COL21A1: variants seen among roughly 807,000 people sequenced by gnomAD.
The protein encoded by COL21A1 is collagen type XXI alpha 1 chain, also known as collagen alpha-1(XXI) chain.
COL21A1 carries 149 observed loss-of-function variants against 137.9 expected under a neutral mutation model. That is an observed-to-expected ratio of 1.08 (90% CI 0.95 to 1.24). The LOEUF (loss-of-function observed/expected upper bound fraction) is 1.24, where lower values mean the gene tolerates loss of function less well. Ranked by LOEUF, COL21A1 falls within the 50% of genes most tolerant of loss-of-function variation. The pLI, the probability that COL21A1 is intolerant of heterozygous loss-of-function variation, is 0.00. For synonymous variants in COL21A1, 456 were observed against 391.5 expected (o/e 1.16, Z -1.95); for missense variants, 1,167 against 1,158.4 (o/e 1.01, Z -0.11).
chr6:56,116,629 A>T (rs1771956568), intron 16 of COL21A1, among the ~76,000 whole-genome samples: 1 of 152,038 alleles, frequency 6.6e-6, no homozygotes, highest in African/African-American at 2.4e-5. Context: ...TACTGGTAAT[A>T]ATAAGCACAC....
chr6:56,324,414 T>G (rs1473284989), intron 1 of COL21A1, among the ~76,000 whole-genome samples: 2 of 152,104 alleles, frequency 1.3e-5, no homozygotes, highest in Non-Finnish European at 2.9e-5. Flanking sequence ...CCAGTTGCCC[T>G]TCTTTCTATG....
chr6:56,322,313 A>C (rs770050716), intron 1 of COL21A1, among the ~76,000 whole-genome samples: 1 of 152,160 alleles, frequency 6.6e-6, no homozygotes, highest in Non-Finnish European at 1.5e-5. Context: ...TCAAAAGTTG[A>C]AGAAATTGGG....
At chr6:56,060,275 T>C (rs1047817110) in intron 27 of COL21A1, 57 bp from the exon 28 acceptor site, 8 of 1,377,544 alleles carry the variant, frequency 5.8e-6, no homozygotes, top group South Asian at 2.8e-5. Flanking sequence ...TGGTGTTAAT[T>C]ATATTTTTAA....
At chr6:56,215,036 C>G (rs182324307) in intron 1 of COL21A1, among the ~76,000 whole-genome samples, 1 of 152,218 alleles carries the variant, frequency 6.6e-6, no homozygotes, top group Admixed American at 6.6e-5. Context: ...ACAATGTTCA[C>G]AAATGCTTAA....
intron 1 of COL21A1, among the ~76,000 whole-genome samples, chr6:56,240,281 T>C (rs1419625816): frequency 6.6e-6 from 1 of 152,176 alleles, no homozygotes; most frequent in Non-Finnish European, 1.5e-5. Flanking sequence ...TGGCTTTCCC[T>C]TAGTCTTCCA....
intron 1 of COL21A1, among the ~76,000 whole-genome samples, chr6:56,323,983 T>C (rs1308270475): frequency 1.3e-5 from 2 of 152,118 alleles, no homozygotes; most frequent in African/African-American, 4.8e-5. Flanking sequence ...TTTTATTAAA[T>C]ACATCATTTT....
chr6:56,059,759 C>T (rs1420847868), intron 28 of COL21A1, among the ~76,000 whole-genome samples: 1 of 152,084 alleles, frequency 6.6e-6, no homozygotes, highest in African/African-American at 2.4e-5. Context: ...TTTCTAGACT[C>T]AAGCAAAATT....
chr6:56,307,072 G>A (rs971052697), intron 1 of COL21A1, among the ~76,000 whole-genome samples: 2 of 152,166 alleles, frequency 1.3e-5, no homozygotes, highest in South Asian at 2.1e-4. Flanking sequence ...CTTCCTGATC[G>A]TTCCTCTGGA....
chr6:56,206,691 TAAATAA>T (rs1294906848), intron 1 of COL21A1, among the ~76,000 whole-genome samples: 36 of 22,810 alleles, frequency 1.6e-3, no homozygotes, highest in South Asian at 5.1e-3. Flanking sequence ...AATAAATAAA[TAAATAA>T]ATATATATAT....
chr6:56,203,427 T>C (rs996457828), intron 1 of COL21A1, among the ~76,000 whole-genome samples: 1 of 152,156 alleles, frequency 6.6e-6, no homozygotes, highest in African/African-American at 2.4e-5. Context: ...AATAAAATCA[T>C]CAGTAAGTAA....
chr6:56,336,327 A>G (rs1765329677), intron 1 of COL21A1, among the ~76,000 whole-genome samples: 1 of 152,246 alleles, frequency 6.6e-6, no homozygotes, highest in South Asian at 2.1e-4. Flanking sequence ...AGTTTAGAAC[A>G]TTGAAGCATA....
chr6:56,161,854 CTA>C (rs1776229262), intron 9 of COL21A1, among the ~76,000 whole-genome samples: 1 of 152,158 alleles, frequency 6.6e-6, no homozygotes, highest in African/African-American at 2.4e-5. Flanking sequence ...AAAAAAATAA[CTA>C]TCTTAGAATC....
At chr6:56,068,867 T>C in intron 22 of COL21A1, 179 bp downstream of exon 22, 1 of 522,314 alleles carries the variant, frequency 1.9e-6, no homozygotes. Context: ...TGTGGGTATA[T>C]AAAAGATGCC....
chr6:56,197,027 A>C (rs975507258), intron 1 of COL21A1, among the ~76,000 whole-genome samples: 1 of 152,120 alleles, frequency 6.6e-6, no homozygotes, highest in African/African-American at 2.4e-5. Context: ...TGGCATAAAA[A>C]CAGATGCACA....
At chr6:56,181,701 A>G (rs1288412072) in intron 2 of COL21A1, among the ~76,000 whole-genome samples, 2 of 152,194 alleles carry the variant, frequency 1.3e-5, no homozygotes, top group East Asian at 1.9e-4. Flanking sequence ...TCTTCCTTAG[A>G]GAGATGAATG....
intron 16 of COL21A1, among the ~76,000 whole-genome samples, chr6:56,106,088 C>G (rs542180659): frequency 6.6e-6 from 1 of 152,176 alleles, no homozygotes; most frequent in Non-Finnish European, 1.5e-5. Context: ...GACTTCAATG[C>G]AACTTCTATA....
At chr6:56,209,597 T>C (rs1389095510) in intron 1 of COL21A1, among the ~76,000 whole-genome samples, 1 of 152,118 alleles carries the variant, frequency 6.6e-6, no homozygotes, top group Non-Finnish European at 1.5e-5. Flanking sequence ...TCATGCCAGT[T>C]AGAATGACGA....
chr6:56,069,063 C>A lies in COL21A1; in HGVS notation c.2074G>T (p.Gly692Trp). The A allele has an allele frequency of 6.2e-7, 1 of 1,600,702 alleles. No homozygotes were observed. The highest frequency in any genetic ancestry group is 8.5e-7 in the Non-Finnish European group (1 of 1,173,432). Residue 692 changes from glycine (G) to tryptophan (W), a missense_variant, in exon 22 of 30, where the codon GGG becomes TGG. Coordinates refer to ENST00000244728, the MANE Select transcript of COL21A1 (RefSeq NM_030820.4). ...PGEPGYMGLP[G>W]IQGKKGDKGN... ...ATGCATACCTTTTTTCCTTGAATCC[C>A]GGGTAAACCCATGTATCCTGGTTCT...
intron 24 of COL21A1, among the ~76,000 whole-genome samples, 154 bp downstream of exon 24, chr6:56,064,421 TCAC>T (rs1456740661): frequency 6.6e-6 from 1 of 152,062 alleles, no homozygotes; most frequent in African/African-American, 2.4e-5. Context: ...AAACTCATTA[TCAC>T]CACACTACCT....
Sources: gnomAD v4.1 joint callset for allele counts (sites outside exome capture counted in the v4.1 genomes callset) on GRCh38, gnomAD v4.1.1 for gene constraint, MANE v1.5 for transcripts, NCBI Gene and HGNC (gene_info 2026-07-23, HGNC 2026-07-21) for gene names.